Variants in TRAPPC10 observed in about 807,000 individuals in gnomAD.
The protein encoded by TRAPPC10 is trafficking protein particle complex subunit 10.
TRAPPC10 carries 23 observed loss-of-function variants against 125.5 expected under a neutral mutation model. The observed-to-expected ratio is 0.18, with a 90% confidence interval of 0.13 to 0.26. The LOEUF is 0.26. TRAPPC10 is among the 10% of genes least tolerant of loss of function. The probability of loss-of-function intolerance (pLI) is 1.00; values close to 1 mark genes in which losing one functional copy is unlikely to be tolerated. For missense variants in TRAPPC10, 1,123 were observed against 1,308.4 expected (o/e 0.86, Z 2.19); for synonymous variants, 509 against 518.0 (o/e 0.98, Z 0.24).
At chr21:44,039,000 C>T (rs2034204431) in intron 3 of TRAPPC10, among the ~76,000 whole-genome samples, 1 of 152,346 alleles carries the variant, frequency 6.6e-6, no homozygotes, top group African/African-American at 2.4e-5. Flanking sequence ...CTGAGAAGGA[C>T]ACTGTCCCTG....
At chr21:44,021,329 G>C (rs977937042) in intron 1 of TRAPPC10, among the ~76,000 whole-genome samples, 1 of 152,174 alleles carries the variant, frequency 6.6e-6, no homozygotes, top group Non-Finnish European at 1.5e-5. Context: ...CCAACCCTTT[G>C]AGAGTTTACA....
chr21:44,033,413 G>C (rs2033743027), intron 2 of TRAPPC10, among the ~76,000 whole-genome samples: 1 of 152,010 alleles, frequency 6.6e-6, no homozygotes, highest in South Asian at 2.1e-4. Context: ...CAGAGTGTAA[G>C]AGAAAAATTG....
In TRAPPC10 at chr21:44,053,539, T is replaced by C. The variant is rs148652550; in HGVS notation, c.482+1063T>C. Reference sequence around the variant, plus strand: ...GTTATAAACAACAATATTAGAATACTTTTCTAGCTCAAATGTTGTGAGCAT... The same window carrying C: ...GTTATAAACAACAATATTAGAATACCTTTCTAGCTCAAATGTTGTGAGCAT... On this transcript the variant is annotated intron_variant, in intron 4 of 22. Coordinates refer to ENST00000291574, the MANE Select transcript of TRAPPC10 (RefSeq NM_003274.5). 5.3e-3 allele frequency among the ~76,000 whole-genome samples: 807 copies of C among 152,360 alleles called. 6 individuals carry two copies. Among genetic ancestry groups the C allele is most frequent in the African/African-American group, 0.018 (750 of 41,582 alleles).
At chr21:44,075,184 T>G (rs778418363) in intron 9 of TRAPPC10, 31 bp downstream of exon 9, 1 of 1,477,992 alleles carries the variant, frequency 6.8e-7, no homozygotes, top group Non-Finnish European at 9.5e-7. Context: ...GTGTGAGTGG[T>G]GAGGTGGACA....
Position 44,074,335 on chromosome 21 carries a change from A to G in TRAPPC10, c.1050A>G (p.Pro350=). The G allele has an allele frequency of 6.2e-7, 1 of 1,614,070 alleles. No individual in the cohort carries two copies. Among genetic ancestry groups the G allele is most frequent in the Non-Finnish European group, 8.5e-7 (1 of 1,180,026 alleles). ...TTGCACCCCCACAGGTCTCTGTCCCACCTGGTGCTCTGGACTGCTGGGTGT... is the reference window on the plus strand; with the variant it reads ...TTGCACCCCCACAGGTCTCTGTCCCGCCTGGTGCTCTGGACTGCTGGGTGT... The part of the protein sequence containing the change: ...QELKLLEVSV[P]PGALDCWVFL... Residue 350 remains proline, a synonymous_variant, in exon 8 of 23, where the codon CCA becomes CCG. Coordinates refer to ENST00000291574, the MANE Select transcript of TRAPPC10 (RefSeq NM_003274.5).
intron 6 of TRAPPC10, among the ~76,000 whole-genome samples, chr21:44,061,388 C>G (rs1410655384): frequency 2.6e-5 from 4 of 152,138 alleles, no homozygotes; most frequent in African/African-American, 9.7e-5. Context: ...CCCACCTCAG[C>G]CTCCCAAAGT....
At chr21:44,093,491 C>T (rs1396465178) in intron 19 of TRAPPC10, among the ~76,000 whole-genome samples, 1 of 151,614 alleles carries the variant, frequency 6.6e-6, no homozygotes, top group Non-Finnish European at 1.5e-5. Context: ...GGCGTGGTGG[C>T]TCACACCTGT....
rs186254905 is a variant in TRAPPC10 at position 44,095,487 on chromosome 21, C to G, written c.3168+1254C>G. On this transcript the variant is annotated intron_variant, in intron 20 of 22. Transcript: ENST00000291574. Reference sequence around the variant, plus strand: ...TCTCTACCTCAGGTGATCCACCTACCTTGGCCTCCCAAAGTGCTGGGATTA... The same window carrying G: ...TCTCTACCTCAGGTGATCCACCTACGTTGGCCTCCCAAAGTGCTGGGATTA... Among the ~76,000 whole-genome samples, 706 of 152,180 alleles carry G rather than the reference C, an allele frequency of 4.6e-3. 6 individuals are homozygous for G. The highest frequency in any genetic ancestry group is 0.016 in the African/African-American group (662 of 41,504).
intron 19 of TRAPPC10, 21 bp from the exon 20 acceptor site, chr21:44,094,042 G>A (rs1179749606): frequency 3.7e-6 from 6 of 1,606,390 alleles, no homozygotes; most frequent in Non-Finnish European, 5.1e-6. Flanking sequence ...TGTGAGCAGT[G>A]ACCCCCAACT....
chr21:44,032,037 T>G (rs1261402806), intron 1 of TRAPPC10, 54 bp from the exon 2 acceptor site: 2 of 1,435,232 alleles, frequency 1.4e-6, no homozygotes, highest in Non-Finnish European at 1.9e-6. Context: ...TAGAGCCATT[T>G]TGCATGTATT....
At chr21:44,088,197 T>G in intron 17 of TRAPPC10, 2 of 497,012 alleles carry the variant, frequency 4.0e-6, no homozygotes, top group East Asian at 3.6e-5. Flanking sequence ...AGGGCCGGCT[T>G]AGGCATGAGG....
At chr21:44,024,189 CCT>C (rs1281822286) in intron 1 of TRAPPC10, among the ~76,000 whole-genome samples, 2 of 152,216 alleles carry the variant, frequency 1.3e-5, no homozygotes, top group Admixed American at 1.3e-4. Flanking sequence ...ACAGCTCCAT[CCT>C]CTGTGTTTTC....
intron 3 of TRAPPC10, chr21:44,046,819 T>TTTTGATGCA (rs1487215355): frequency 1.6e-6 from 1 of 609,684 alleles, no homozygotes; most frequent in Non-Finnish European, 3.1e-6. Flanking sequence ...CCTTTAAGTC[T>TTTTGATGCA]TTTGATGCAT....
At chr21:44,068,549 C>T (rs1218480368) in intron 7 of TRAPPC10, among the ~76,000 whole-genome samples, 2 of 152,172 alleles carry the variant, frequency 1.3e-5, no homozygotes, top group Non-Finnish European at 2.9e-5. Flanking sequence ...AGTTTGGAAA[C>T]TTCTGCCATA....
In TRAPPC10 at chr21:44,037,727, A is replaced by C. The variant is rs151295313; in HGVS notation, c.150-65A>C. 24 of 1,554,754 alleles carry C rather than the reference A, an allele frequency of 1.5e-5. No individual in the cohort carries two copies. The African/African-American group carries it at 2.6e-4, about 17-fold the overall frequency. ...ATACCATTACATTATTTGTTGTTCT[A>C]TTTCCCCTCTTCTGATGAATGCTGT... is the stretch of plus-strand genomic sequence containing the variant. On this transcript the variant is annotated intron_variant, in intron 2 of 22. Transcript: ENST00000291574.
chr21:44,036,411 G>C lies in TRAPPC10; in HGVS notation c.150-1381G>C, dbSNP rs562062968. ...GCCTTGCGTGAGCCACAGGTGCTGAGAGATTTTTCCTCTAGGCCCCCGGCT... is the reference window on the plus strand; with the variant it reads ...GCCTTGCGTGAGCCACAGGTGCTGACAGATTTTTCCTCTAGGCCCCCGGCT... On this transcript the variant is annotated intron_variant, in intron 2 of 22. Coordinates refer to ENST00000291574, the MANE Select transcript of TRAPPC10 (RefSeq NM_003274.5). Among the ~76,000 whole-genome samples the C allele has an allele frequency of 2.0e-5, 3 of 152,350 alleles. No homozygotes were observed. In the East Asian group the frequency reaches 5.8e-4, roughly 29 times the overall value.
At chr21:44,021,202 C>T (rs1441762112) in intron 1 of TRAPPC10, among the ~76,000 whole-genome samples, 1 of 152,080 alleles carries the variant, frequency 6.6e-6, no homozygotes. Context: ...CCTGGGTTGT[C>T]TAGTGTGGAG....
intron 1 of TRAPPC10, among the ~76,000 whole-genome samples, chr21:44,012,935 G>A (rs2031325621): frequency 6.6e-6 from 1 of 152,138 alleles, no homozygotes; most frequent in African/African-American, 2.4e-5. Flanking sequence ...GGCCTCTTCC[G>A]CCGGGCGGTT....
At chr21:44,046,404 G>A in intron 3 of TRAPPC10, 2 of 279,584 alleles carry the variant, frequency 7.2e-6, no homozygotes, top group Admixed American at 7.9e-5. Context: ...TGTGTGCAGT[G>A]ACACCACCAC....
Sources: allele counts gnomAD v4.1 joint callset (sites outside exome capture counted in the v4.1 genomes callset), GRCh38; gene constraint gnomAD v4.1.1; transcripts MANE v1.5; gene names NCBI Gene and HGNC (gene_info 2026-07-23, HGNC 2026-07-21).